ATP9B: variants seen among roughly 807,000 people sequenced by gnomAD.
ATP9B encodes ATPase phospholipid transporting 9B.
In ATP9B, 110 loss-of-function variants were observed where a neutral mutation model predicts 146.1. That is an observed-to-expected ratio of 0.75 (90% CI 0.65 to 0.88). The LOEUF is 0.88. Ranked by LOEUF, ATP9B falls within the 40% of genes least tolerant of loss-of-function variation. The pLI, the probability that ATP9B is intolerant of heterozygous loss-of-function variation, is 0.00. For synonymous variants in ATP9B, 604 were observed against 569.7 expected (o/e 1.06, Z -0.86); for missense variants, 1,499 against 1,496.4 (o/e 1.00, Z -0.03).
intron 26 of ATP9B, chr18:79,361,389 C>G (rs1311817250): frequency 6.6e-6 from 1 of 152,178 alleles, no homozygotes; most frequent in Admixed American, 6.5e-5. Context: ...TTCTGTGTTA[C>G]TGGTGCCGTT....
At chr18:79,070,118 CAGT>C (rs998656906) in intron 1 of ATP9B, among the ~76,000 whole-genome samples, 1 of 152,156 alleles carries the variant, frequency 6.6e-6, no homozygotes, top group African/African-American at 2.4e-5. Flanking sequence ...CACAGGTTAG[CAGT>C]AGAATTAGTG....
rs761594951 is a variant in ATP9B, at chr18:79,377,350, C to G, written c.3411C>G (p.Leu1137=). The G allele has an allele frequency of 3.1e-6, 5 of 1,610,694 alleles. No homozygotes were observed. The South Asian group carries it at 4.4e-5, about 14-fold the overall frequency. ...TCCTCAAGTACCTGAGGCGCAAGCT[C>G]TCTCCTCCCAGCTACTGCAAGCTGG... ...LYVLKYLRRK[L]SPPSYCKLAS The change falls in exon 30 of 30, where the codon CTC becomes CTG. Residue 1137 remains leucine, a synonymous_variant. Transcript: ENST00000426216.
At chr18:79,197,975 C>T (rs1006582410) in intron 9 of ATP9B, among the ~76,000 whole-genome samples, 1 of 152,150 alleles carries the variant, frequency 6.6e-6, no homozygotes, top group Non-Finnish European at 1.5e-5. Flanking sequence ...TAGGAAGGCA[C>T]TTCAGCATAT....
intron 26 of ATP9B, chr18:79,361,201 G>A (rs1230703365): frequency 2.0e-5 from 3 of 152,218 alleles, no homozygotes; most frequent in African/African-American, 7.2e-5. Flanking sequence ...CAGCCATCTT[G>A]ACCGGCTATT....
intron 4 of ATP9B, among the ~76,000 whole-genome samples, chr18:79,123,800 A>G (rs1207563149): frequency 2.0e-5 from 3 of 152,198 alleles, no homozygotes; most frequent in Non-Finnish European, 4.4e-5. Flanking sequence ...TCGGGCACCA[A>G]AATAGTAACT....
At chr18:79,072,558 CAG>C (rs1428586835) in intron 1 of ATP9B, among the ~76,000 whole-genome samples, 2 of 143,342 alleles carry the variant, frequency 1.4e-5, no homozygotes, top group African/African-American at 4.9e-5. Context: ...TCTTTCTACA[CAG>C]ACACAGTAAC....
intron 11 of ATP9B, 139 bp downstream of exon 11, chr18:79,214,177 A>C: frequency 2.0e-6 from 1 of 488,160 alleles, no homozygotes; most frequent in East Asian, 3.5e-5. Context: ...GGTGACTTAC[A>C]ATATGAATTC....
chr18:79,235,516 G>A lies in ATP9B; in HGVS notation c.1108-17865G>A, dbSNP rs142710575. Among the ~76,000 whole-genome samples the A allele has an allele frequency of 2.3e-3, 349 of 151,936 alleles. 1 individual carries two copies. The highest frequency in any genetic ancestry group is 7.7e-3 in the African/African-American group (319 of 41,402). On this transcript the variant is annotated intron_variant, in intron 11 of 29. Transcript: ENST00000426216. ...ATAACAATTATAATACTTGTTTTCT[G>A]TGACACTTTTTGGTTTTTGTTTTTT...
At chr18:79,337,182 TCC>T (rs1463520982) in intron 18 of ATP9B, 95 bp from the exon 19 acceptor site, 1 of 1,440,918 alleles carries the variant, frequency 6.9e-7, no homozygotes, top group Non-Finnish European at 9.5e-7. Flanking sequence ...CATAGTCACC[TCC>T]CCCTCTGTCC....
At chr18:79,284,396 A>G (rs1221448156) in intron 13 of ATP9B, among the ~76,000 whole-genome samples, 1 of 152,162 alleles carries the variant, frequency 6.6e-6, no homozygotes, top group Non-Finnish European at 1.5e-5. Flanking sequence ...TAATTAACTG[A>G]TGCATACCGT....
intron 11 of ATP9B, among the ~76,000 whole-genome samples, chr18:79,241,226 G>GT (rs1193621771): frequency 4.6e-5 from 7 of 152,006 alleles, no homozygotes; most frequent in African/African-American, 1.2e-4. Context: ...TTTTGACTGC[G>GT]TTTTTTTCTC....
intron 26 of ATP9B, chr18:79,361,748 G>T (rs1319646130): frequency 1.0e-6 from 1 of 985,276 alleles, no homozygotes; most frequent in Non-Finnish European, 1.2e-6. Flanking sequence ...GTTCGCCAAG[G>T]TAGCACAGAC....
chr18:79,365,739 G>A (rs778859867), intron 26 of ATP9B, among the ~76,000 whole-genome samples: 7 of 151,852 alleles, frequency 4.6e-5, no homozygotes, highest in Non-Finnish European at 1.0e-4. Flanking sequence ...CAGCCCATGC[G>A]TGATGGAAGG....
rs1052939062 is a variant in ATP9B at position 79,372,266 on chromosome 18, A to C, written c.3013-559A>C. 5.6e-4 allele frequency: 57 copies of C among 101,290 alleles called. 1 individual carries two copies. In the South Asian group the frequency reaches 6.6e-3, roughly 12 times the overall value. The allele number at this position is 101,290 out of a possible 1,614,324, so 6.3% of individuals were successfully genotyped here. A position where few individuals can be genotyped will look rare whatever the true frequency, so the allele number is the denominator to read the frequency against. ...GTCCCCTGCCTCCTGCCCCCTCGTC[A>C]CCTGCCTTCAACTTCGCAGAGTGAA... On this transcript the variant is annotated intron_variant, in intron 26 of 29. Transcript: ENST00000426216.
At position 79,338,192 on chromosome 18, in the gene ATP9B, A is replaced by G. The variant is rs116392388; in HGVS notation, c.2283+743A>G. On this transcript the variant is annotated intron_variant, in intron 19 of 29. Transcript: ENST00000426216. ...GAAGAAATAATGCATCCACATTGTCACAAACTCAGCACAAAAGGACACCCA... is the reference window on the plus strand; with the variant it reads ...GAAGAAATAATGCATCCACATTGTCGCAAACTCAGCACAAAAGGACACCCA... 6.5e-3 allele frequency among the ~76,000 whole-genome samples: 990 copies of G among 152,312 alleles called. 5 individuals are homozygous for G. The highest frequency in any genetic ancestry group is 0.022 in the African/African-American group (927 of 41,578).
intron 8 of ATP9B, among the ~76,000 whole-genome samples, chr18:79,188,445 C>T (rs2095329751): frequency 6.6e-6 from 1 of 152,136 alleles, no homozygotes; most frequent in South Asian, 2.1e-4. Flanking sequence ...AACTGTGGTT[C>T]CTCTTACTGA....
At chr18:79,097,619 T>A (rs1338141872) in intron 2 of ATP9B, among the ~76,000 whole-genome samples, 29 of 142,888 alleles carry the variant, frequency 2.0e-4, no homozygotes, top group Non-Finnish European at 2.6e-4. Context: ...AGTGAGAATA[T>A]GCGGTATTTG....
chr18:79,364,653 CAA>C (rs2097015691), intron 26 of ATP9B, among the ~76,000 whole-genome samples: 1 of 152,082 alleles, frequency 6.6e-6, no homozygotes, highest in African/African-American at 2.4e-5. Flanking sequence ...TTGGGTTAAG[CAA>C]AGAGTTTTTA....
chr18:79,312,592 CT>C (rs1340410087), intron 15 of ATP9B, among the ~76,000 whole-genome samples: 2 of 152,242 alleles, frequency 1.3e-5, no homozygotes, highest in African/African-American at 4.8e-5. Flanking sequence ...CATCTGCCTT[CT>C]TTTCAGGGGC....
Sources: allele counts gnomAD v4.1 joint callset (sites outside exome capture counted in the v4.1 genomes callset), GRCh38; gene constraint gnomAD v4.1.1; transcripts MANE v1.5; gene names NCBI Gene and HGNC (gene_info 2026-07-23, HGNC 2026-07-21).